The following AP1G1 variants were observed in gnomAD, a reference collection of about 807,000 sequenced individuals.
AP1G1 encodes AP-1 complex subunit gamma-1.
A neutral mutation model predicts 108.3 loss-of-function variants in AP1G1; 7 were observed. That is an observed-to-expected ratio of 0.06 (90% CI 0.04 to 0.12). AP1G1 has a LOEUF of 0.12. Ranked by LOEUF, AP1G1 falls within the 10% of genes least tolerant of loss-of-function variation. AP1G1 has a pLI of 1.00. For synonymous variants in AP1G1, 379 were observed against 353.5 expected, an observed-to-expected ratio of 1.07 and a Z score of -0.81; for missense variants, 756 against 1,010.7, an observed-to-expected ratio of 0.75 and a Z score of 3.42.
At chr16:71,753,320 C>T (rs1175434751) in intron 13 of AP1G1, among the ~76,000 whole-genome samples, 1 of 152,194 alleles carries the variant, frequency 6.6e-6, no homozygotes, top group Non-Finnish European at 1.5e-5. Context: ...GCAATGGCTT[C>T]CTAACATATT....
At chr16:71,805,325 G>A (rs910743487) in intron 1 of AP1G1, among the ~76,000 whole-genome samples, 11 of 151,856 alleles carry the variant, frequency 7.2e-5, no homozygotes, top group Admixed American at 6.6e-5. Context: ...GCGCACGCTT[G>A]TAATCCCAGC....
chr16:71,760,233 T>C (rs1488046615), intron 10 of AP1G1, among the ~76,000 whole-genome samples: 2 of 143,912 alleles, frequency 1.4e-5, no homozygotes, highest in Admixed American at 1.4e-4. Context: ...TCCACATCTT[T>C]TTTTTTTTTT....
intron 12 of AP1G1, 68 bp from the exon 13 acceptor site, chr16:71,753,955 C>T: frequency 1.4e-6 from 2 of 1,474,114 alleles, no homozygotes; most frequent in South Asian, 1.2e-5. Flanking sequence ...ACTAGAAAAT[C>T]CTGCCCAAGC....
chr16:71,770,795 T>A (rs1047360810), intron 5 of AP1G1, among the ~76,000 whole-genome samples: 1 of 152,198 alleles, frequency 6.6e-6, no homozygotes, highest in South Asian at 2.1e-4. Context: ...TCCTACCACA[T>A]GATAATGGAA....
At chr16:71,772,836 T>C (rs1567654408) in intron 4 of AP1G1, 2 of 288,088 alleles carry the variant, frequency 6.9e-6, no homozygotes, top group East Asian at 2.0e-4. Flanking sequence ...TTCTACATCA[T>C]TCCCTAATAA....
At chr16:71,796,752 G>C (rs896315703) in intron 1 of AP1G1, among the ~76,000 whole-genome samples, 2 of 152,122 alleles carry the variant, frequency 1.3e-5, no homozygotes, top group African/African-American at 4.8e-5. Flanking sequence ...AATTGTCACA[G>C]TAATTACAGG....
At chr16:71,758,738 T>G (rs947399716) in intron 11 of AP1G1, 70 bp downstream of exon 11, 1 of 871,324 alleles carries the variant, frequency 1.1e-6, no homozygotes, top group South Asian at 1.5e-5. Context: ...GGCAGCGGCA[T>G]AGAGCTATCA....
intron 2 of AP1G1, chr16:71,777,854 G>C: frequency 3.2e-6 from 1 of 310,368 alleles, no homozygotes; most frequent in South Asian, 2.8e-5. Flanking sequence ...ACTGGAGCTG[G>C]CAGGCAGCTA....
intron 10 of AP1G1, among the ~76,000 whole-genome samples, chr16:71,761,069 C>A (rs892669282): frequency 6.6e-6 from 1 of 152,326 alleles, no homozygotes; most frequent in African/African-American, 2.4e-5. Context: ...CTACAGCCCA[C>A]CTGTAAAACC....
At chr16:71,773,057 A>T in intron 4 of AP1G1, 164 bp downstream of exon 4, 1 of 811,454 alleles carries the variant, frequency 1.2e-6, no homozygotes, top group Non-Finnish European at 2.0e-6. Flanking sequence ...TCATTTCCTT[A>T]AGAAAAGAGG....
chr16:71,748,387 G>A lies in AP1G1; in HGVS notation c.1498-9C>T, dbSNP rs2030295856. 2 of 1,607,392 alleles carry A rather than the reference G, an allele frequency of 1.2e-6. No homozygotes were observed. The highest frequency in any genetic ancestry group is 3.5e-5 in the Admixed American group (2 of 57,220). ...ACTTCATCCTCTGTTACCTGAGGAG[G>A]AGGAGGAAAAAGAAGACGATGAAGA... On this transcript the variant is annotated splice_polypyrimidine_tract_variant and intron_variant, in intron 15 of 22. Coordinates refer to ENST00000299980, the MANE Select transcript of AP1G1 (RefSeq NM_001128.6).
At chr16:71,761,933 G>T (rs2031107621) in intron 9 of AP1G1, among the ~76,000 whole-genome samples, 3 of 151,744 alleles carry the variant, frequency 2.0e-5, no homozygotes, top group African/African-American at 4.8e-5. Flanking sequence ...GTCAGTGGAA[G>T]AATAATATTA....
intron 2 of AP1G1, among the ~76,000 whole-genome samples, chr16:71,778,180 C>A (rs2031862378): frequency 6.6e-6 from 1 of 152,138 alleles, no homozygotes; most frequent in Non-Finnish European, 1.5e-5. Context: ...AAGGGGCAAG[C>A]ATTATTTCAA....
chr16:71,789,312 C>T lies in AP1G1; in HGVS notation c.168G>A (p.Met56Ile). The T allele has an allele frequency of 1.9e-6, 3 of 1,614,154 alleles. No homozygotes were observed. The highest frequency in any genetic ancestry group is 1.1e-5 in the South Asian group (1 of 91,090). Reference sequence around the variant, plus strand: ...AGTGAGCAGGGTAGCCCAGCATGTGCATATACAGTAATTTTGCCACATTCC... The same window carrying T: ...AGTGAGCAGGGTAGCCCAGCATGTGTATATACAGTAATTTTGCCACATTCC... ...RCRNVAKLLY[M>I]HMLGYPAHFG... is the part of the protein sequence containing the mutation. The change falls in exon 2 of 23, where the codon ATG becomes ATA. Residue 56 changes from methionine to isoleucine, a missense_variant. By Grantham distance (10) the Met-to-Ile change is conservative (BLOSUM62 1). Around this residue, in one of 3 missense-constraint regions of AP1G1, gnomAD observed 304 missense variants for 483.6 expected, o/e 0.63. Transcript: ENST00000299980.
At chr16:71,748,190 GA>G (rs2030284522) in intron 16 of AP1G1, 60 bp downstream of exon 16, 9 of 1,555,410 alleles carry the variant, frequency 5.8e-6, no homozygotes, top group East Asian at 4.5e-5. Context: ...AGTTTTTTGG[GA>G]TTTTTTTTGT....
chr16:71,780,157 C>T (rs543588987), intron 2 of AP1G1, among the ~76,000 whole-genome samples: 2 of 151,746 alleles, frequency 1.3e-5, no homozygotes, highest in Non-Finnish European at 2.9e-5. Flanking sequence ...CTATATCCGG[C>T]TAATTTTTGT....
intron 7 of AP1G1, 76 bp from the exon 8 acceptor site, chr16:71,764,802 T>G: frequency 3.4e-6 from 3 of 893,774 alleles, no homozygotes; most frequent in Non-Finnish European, 5.3e-6. Context: ...GAAATTCAAA[T>G]AACTAAATGA....
intron 6 of AP1G1, among the ~76,000 whole-genome samples, chr16:71,767,398 G>A (rs1286606219): frequency 7.2e-5 from 11 of 152,188 alleles, no homozygotes; most frequent in Non-Finnish European, 1.6e-4. Flanking sequence ...AAACTTCTAT[G>A]TAAGATTAAG....
intron 1 of AP1G1, among the ~76,000 whole-genome samples, chr16:71,801,664 G>A (rs1039250081): frequency 1.2e-4 from 18 of 152,254 alleles, no homozygotes; most frequent in Admixed American, 2.0e-4. Context: ...GGTGGGTCAC[G>A]CCTGTTATCC....
Sources: gnomAD v4.1 joint callset for allele counts (sites outside exome capture counted in the v4.1 genomes callset) on GRCh38, gnomAD v4.1.1 for gene constraint, gnomAD v4.1.1 regional missense constraint, MANE v1.5 for transcripts, NCBI Gene and HGNC (gene_info 2026-07-23, HGNC 2026-07-21) for gene names.